The following SLC44A1 variants were observed in gnomAD, a reference collection of about 807,000 sequenced individuals.
SLC44A1 encodes the protein choline transporter-like protein 1.
Under a neutral mutation model 79.3 loss-of-function variants are expected in SLC44A1, and 26 were observed. That is an observed-to-expected ratio of 0.33 (90% confidence interval 0.24 to 0.46). SLC44A1 has a LOEUF of 0.46. SLC44A1 is among the 20% of genes least tolerant of loss of function. SLC44A1 has a pLI of 1.00. For synonymous variants in SLC44A1, 263 were observed against 286.2 expected, an observed-to-expected ratio of 0.92 and a Z score of 0.82; for missense variants, 688 against 798.1, an observed-to-expected ratio of 0.86 and a Z score of 1.66.
At chr9:105,334,737 T>A (rs934675456) in intron 3 of SLC44A1, among the ~76,000 whole-genome samples, 5 of 152,244 alleles carry the variant, frequency 3.3e-5, no homozygotes, top group African/African-American at 1.2e-4. Flanking sequence ...TATCATCTCA[T>A]CTACTTTATA....
intron 1 of SLC44A1, among the ~76,000 whole-genome samples, chr9:105,275,013 G>A (rs560610723): frequency 2.0e-5 from 3 of 152,280 alleles, no homozygotes; most frequent in Non-Finnish European, 2.9e-5. Context: ...GTGGACCCAT[G>A]TGAAGTTTAA....
chr9:105,329,320 C>T (rs1826678933), intron 3 of SLC44A1, among the ~76,000 whole-genome samples: 1 of 152,190 alleles, frequency 6.6e-6, no homozygotes, highest in African/African-American at 2.4e-5. Context: ...GATTTTTCAG[C>T]CTGCTTTCCA....
chr9:105,287,922 A>G (rs1334522055), intron 1 of SLC44A1, among the ~76,000 whole-genome samples: 2 of 152,222 alleles, frequency 1.3e-5, no homozygotes, highest in African/African-American at 4.8e-5. Flanking sequence ...GGTGGTTTTG[A>G]TATATAGGTG....
At chr9:105,352,081 C>G (rs1425041344) in intron 5 of SLC44A1, among the ~76,000 whole-genome samples, 1 of 152,044 alleles carries the variant, frequency 6.6e-6, no homozygotes, top group Admixed American at 6.5e-5. Flanking sequence ...AGCAACATAG[C>G]AAGACCCTCT....
chr9:105,364,461 C>T, intron 9 of SLC44A1, 94 bp from the exon 10 acceptor site: 1 of 976,146 alleles, frequency 1.0e-6, no homozygotes, highest in Admixed American at 2.5e-5. Context: ...AGGTTTGTGG[C>T]TTGGGGTAGG....
At chr9:105,351,632 G>GAGAAACAAAGAAAGAA (rs1554797208) in intron 5 of SLC44A1, among the ~76,000 whole-genome samples, 1 of 101,358 alleles carries the variant, frequency 9.9e-6, no homozygotes, top group Non-Finnish European at 2.0e-5. Flanking sequence ...GAGAGAGAAA[G>GAGAAACAAAGAAAGAA]AGAAAGAAAG....
intron 3 of SLC44A1, among the ~76,000 whole-genome samples, chr9:105,324,088 A>G (rs959768063): frequency 9.3e-5 from 14 of 151,010 alleles, no homozygotes; most frequent in African/African-American, 2.4e-4. Flanking sequence ...TGCAAGCTCC[A>G]CCTCCCGGAT....
rs1176099621 is a variant in SLC44A1 at position 105,374,588 on chromosome 9, T to G, written c.1495-10T>G. On this transcript the variant is annotated splice_polypyrimidine_tract_variant and intron_variant, in intron 12 of 15. Transcript: ENST00000374720. The stretch of plus-strand genomic sequence containing the variant: ...TTGTTGACGAAAATGTTGTTTTTGC[T>G]TTTGTCCAGAATGCATACACAGCCA... 6.2e-7 allele frequency: 1 copy of G among 1,600,296 alleles called. No homozygotes were observed. The highest frequency in any genetic ancestry group is 1.1e-5 in the South Asian group (1 of 87,910).
At chr9:105,374,527 T>A (rs1179836277) in intron 12 of SLC44A1, 71 bp from the exon 13 acceptor site, 4 of 1,452,784 alleles carry the variant, frequency 2.8e-6, no homozygotes, top group Non-Finnish European at 3.8e-6. Flanking sequence ...ATGTTTTAGC[T>A]ATGCTCAGTT....
At chr9:105,258,098 CT>C (rs1829753593) in intron 1 of SLC44A1, among the ~76,000 whole-genome samples, 1 of 152,158 alleles carries the variant, frequency 6.6e-6, no homozygotes, top group Non-Finnish European at 1.5e-5. Context: ...CTGACTTAAT[CT>C]GGATATGTGG....
At chr9:105,418,314 C>CAAAA (rs10617928) in intron 15 of SLC44A1, among the ~76,000 whole-genome samples, 114 of 55,718 alleles carry the variant, frequency 2.0e-3, no homozygotes, top group Non-Finnish European at 3.4e-3. Context: ...AACTCCGTCT[C>CAAAA]AAAAAAAAAA....
In SLC44A1 at chr9:105,391,710, C is replaced by T. The variant is rs553029566; in HGVS notation, c.*2654C>T. 70 of 985,274 alleles carry T rather than the reference C, an allele frequency of 7.1e-5. No homozygotes were observed. In the African/African-American group the frequency reaches 1.1e-3, roughly 16 times the overall value. 61.0% of individuals were successfully genotyped at this position (985,274 alleles called of 1,614,324 possible). A position where few individuals can be genotyped will look rare whatever the true frequency, so the allele number is the denominator to read the frequency against. Reference sequence around the variant, plus strand: ...CATTCTTCAGCTAGCTATGGGCTGCCTTATTGCTATTCGCTCACTGCTTCC... The same window carrying T: ...CATTCTTCAGCTAGCTATGGGCTGCTTTATTGCTATTCGCTCACTGCTTCC... On this transcript the variant is annotated 3_prime_UTR_variant, in exon 16 of 16. Transcript: ENST00000374720.
At chr9:105,322,949 G>A (rs1272836525) in intron 3 of SLC44A1, among the ~76,000 whole-genome samples, 2 of 151,620 alleles carry the variant, frequency 1.3e-5, no homozygotes, top group African/African-American at 2.4e-5. Context: ...AAGGCTGGGC[G>A]CAGTGGCTCA....
At chr9:105,336,380 G>T (rs1212450051) in intron 4 of SLC44A1, among the ~76,000 whole-genome samples, 1 of 152,154 alleles carries the variant, frequency 6.6e-6, no homozygotes, top group African/African-American at 2.4e-5. Context: ...AGAGGAATTA[G>T]CTGAGAAAAC....
chr9:105,321,836 T>G (rs1826403502), intron 3 of SLC44A1, among the ~76,000 whole-genome samples: 1 of 151,126 alleles, frequency 6.6e-6, no homozygotes, highest in Non-Finnish European at 1.5e-5. Context: ...ACAAGAGAGA[T>G]ATAATCTACT....
intron 3 of SLC44A1, among the ~76,000 whole-genome samples, chr9:105,316,318 G>T (rs1320357130): frequency 1.3e-5 from 2 of 152,080 alleles, no homozygotes; most frequent in African/African-American, 4.8e-5. Context: ...AGATACTGTG[G>T]AGTCAGTAAA....
chr9:105,384,880 T>G (rs893786166), intron 14 of SLC44A1, among the ~76,000 whole-genome samples: 3 of 152,232 alleles, frequency 2.0e-5, no homozygotes, highest in African/African-American at 7.2e-5. Context: ...ACACCCTGTC[T>G]TCCTGCTTCA....
intron 12 of SLC44A1, among the ~76,000 whole-genome samples, chr9:105,368,724 C>T (rs904173247): frequency 2.6e-5 from 4 of 152,064 alleles, no homozygotes; most frequent in African/African-American, 4.8e-5. Context: ...CTGTAAACTA[C>T]GACAATTATG....
Position 105,389,148 on chromosome 9 carries a change from T to C in SLC44A1, c.*92T>C. On this transcript the variant is annotated 3_prime_UTR_variant, in exon 16 of 16. Transcript: ENST00000374720. ...GTGTGTGTGGGTGTGTGTATATATG[T>C]ATATGTATGTGTGTATATATGTATA... is the stretch of plus-strand genomic sequence containing the variant. 6.4e-7 allele frequency: 1 copy of C among 1,559,454 alleles called. No individual in the cohort carries two copies. Among genetic ancestry groups the C allele is most frequent in the Non-Finnish European group, 8.8e-7 (1 of 1,140,262 alleles).
Sources: allele counts gnomAD v4.1 joint callset (sites outside exome capture counted in the v4.1 genomes callset), GRCh38; gene constraint gnomAD v4.1.1; transcripts MANE v1.5; gene names NCBI Gene and HGNC (gene_info 2026-07-23, HGNC 2026-07-21).